Variants in SPX observed in about 807,000 individuals in gnomAD.
The protein encoded by SPX is spexin hormone.
In SPX, 22 loss-of-function variants were observed where a neutral mutation model predicts 19.2. The ratio of observed to expected loss-of-function variants is 1.15; its 90% confidence interval spans 0.82 to 1.64. The LOEUF (loss-of-function observed/expected upper bound fraction) is 1.64. Among genes scored for constraint, SPX ranks in the 40% most tolerant of loss-of-function variants. The pLI is 0.00. For missense variants in SPX, 143 were observed against 137.7 expected (o/e 1.04, Z -0.19); for synonymous variants, 50 against 53.3 (o/e 0.94, Z 0.27).
intron 3 of SPX, 171 bp downstream of exon 3, chr12:21,527,363 C>T: frequency 1.5e-6 from 1 of 652,708 alleles, no homozygotes; most frequent in Admixed American, 2.7e-5. Context: ...GGAAGAGTCC[C>T]TGATTATTGG....
Position 21,527,146 on chromosome 12 carries a change from G to A in SPX, c.99G>A (p.Glu33=). The A allele has an allele frequency of 6.2e-7, 1 of 1,614,018 alleles. No homozygotes were observed. The highest frequency in any genetic ancestry group is 1.3e-5 in the African/African-American group (1 of 75,038). The change falls in exon 3 of 6, where the codon GAG becomes GAA. Residue 33 remains glutamate (E), a synonymous_variant. Transcript: ENST00000256969. ...CCCCCGGGCTATAGAGACTGTTGGA[G>A]AGAAGGAACTGGACTCCTCAAGCTA... ...NSSCAPQRLL[E]RRNWTPQAML... is the part of the protein sequence containing the mutation.
Position 21,528,775 on chromosome 12 carries a change from A to G in SPX, c.209-226A>G, listed in dbSNP as rs76462828. On this transcript the variant is annotated intron_variant, in intron 4 of 5. Transcript: ENST00000256969. The stretch of plus-strand genomic sequence containing the variant: ...AATTCTCTTTGGCATATAGTTTAAC[A>G]TTCTCTTCCATACCCTGTTTGTAAA... Among the ~76,000 whole-genome samples the G allele has an allele frequency of 3.3e-5, 5 of 152,350 alleles. No homozygotes were observed. In the East Asian group the frequency reaches 9.7e-4, roughly 29 times the overall value.
intron 3 of SPX, 125 bp from the exon 4 acceptor site, chr12:21,527,602 C>A (rs1943826470): frequency 6.3e-6 from 6 of 959,656 alleles, no homozygotes; most frequent in Admixed American, 4.5e-5. Context: ...CCCGCGCGAC[C>A]CTATCCTGGA....
rs1943877956 is a variant in SPX, at chr12:21,532,773, T to A, written c.*1578T>A. The stretch of plus-strand genomic sequence containing the variant: ...TTTTAACATCTATCTTATGAAATAA[T>A]TCTTCCTACAACTAACCAGAACAAT... On this transcript the variant is annotated 3_prime_UTR_variant, in exon 6 of 6. Coordinates refer to ENST00000256969, the MANE Select transcript of SPX (RefSeq NM_030572.4). The A allele has an allele frequency of 6.6e-6, 1 of 152,198 alleles. No homozygotes were observed. Among genetic ancestry groups the A allele is most frequent in the Admixed American group, 6.5e-5 (1 of 15,276 alleles). 9.4% of individuals were successfully genotyped at this position (152,198 alleles called of 1,614,324 possible).
At chr12:21,529,859 T>A (rs1943847143) in intron 5 of SPX, among the ~76,000 whole-genome samples, 1 of 152,188 alleles carries the variant, frequency 6.6e-6, no homozygotes, top group Non-Finnish European at 1.5e-5. Context: ...ACCCAAGACA[T>A]GGAACCCAGC....
chr12:21,529,167 T>TC, intron 5 of SPX, 83 bp downstream of exon 5: 2 of 1,320,436 alleles, frequency 1.5e-6, no homozygotes, highest in Non-Finnish European at 1.1e-6. Flanking sequence ...GCAACACCCC[T>TC]CCCCCAGAAT....
At chr12:21,528,541 A>G (rs1943836196) in intron 4 of SPX, among the ~76,000 whole-genome samples, 1 of 152,246 alleles carries the variant, frequency 6.6e-6, no homozygotes, top group South Asian at 2.1e-4. Context: ...CTCTTCAAAC[A>G]TGCTGTGTAA....
intron 5 of SPX, among the ~76,000 whole-genome samples, 181 bp downstream of exon 5, chr12:21,529,265 T>C: frequency 6.6e-6 from 1 of 152,118 alleles, no homozygotes; most frequent in South Asian, 2.1e-4. Context: ...TTCCACATTA[T>C]TCTGATGATT....
At position 21,526,975 on chromosome 12, in the gene SPX, A is replaced by T. The variant is rs1370457340; in HGVS notation, c.87+9A>T. 6.2e-7 allele frequency: 1 copy of T among 1,613,638 alleles called. No individual in the cohort carries two copies. Among genetic ancestry groups the T allele is most frequent in the Admixed American group, 1.7e-5 (1 of 60,018 alleles). On this transcript the variant is annotated intron_variant, in intron 2 of 5. Coordinates refer to ENST00000256969, the MANE Select transcript of SPX (RefSeq NM_030572.4). ...CCAGCTGCGCTCCGCAGGTAATCAA[A>T]TGCAAAATAAAAAATTTTAAAACAA... is the stretch of plus-strand genomic sequence containing the variant.
At chr12:21,528,353 G>C (rs749580035) in intron 4 of SPX, among the ~76,000 whole-genome samples, 2 of 152,178 alleles carry the variant, frequency 1.3e-5, no homozygotes, top group Non-Finnish European at 2.9e-5. Context: ...GGCAGTTAAG[G>C]ATGGGACCGG....
chr12:21,526,370 G>GTGCC lies in SPX; in HGVS notation c.-102_-99dup. 9.0e-7 allele frequency: 1 copy of GTGCC among 1,111,816 alleles called. No homozygotes were observed. The allele number at this position is 1,111,816 out of a possible 1,614,324, so 68.9% of individuals were successfully genotyped here. A position where few individuals can be genotyped will look rare whatever the true frequency, so the allele number is the denominator to read the frequency against. The stretch of plus-strand genomic sequence containing the variant: ...CCCAAACTCTACTCCAGATGGGGAG[G>GTGCC]TGCCCTTAACACCAAGATTTTAAAA... On this transcript the variant is annotated 5_prime_UTR_variant, in exon 1 of 6. An upstream open reading frame in the 5' UTR gains an earlier in-frame stop. Coordinates refer to ENST00000256969, the MANE Select transcript of SPX (RefSeq NM_030572.4).
chr12:21,528,959 T>C (rs1291197148), intron 4 of SPX, 42 bp from the exon 5 acceptor site: 2 of 1,528,726 alleles, frequency 1.3e-6, no homozygotes, highest in South Asian at 2.2e-5. Flanking sequence ...TACATCAATA[T>C]ATAAATGCTA....
At chr12:21,527,516 G>A in intron 3 of SPX, 2 of 621,576 alleles carry the variant, frequency 3.2e-6, no homozygotes, top group Non-Finnish European at 5.7e-6. Context: ...CCGGTCAGGC[G>A]CGGGGCTTTC....
In SPX at chr12:21,526,296, ATCAGATT is replaced by A; in HGVS notation, c.-176_-170del. 2.0e-6 allele frequency: 1 copy of A among 504,086 alleles called. No individual in the cohort carries two copies. Among genetic ancestry groups the A allele is most frequent in the African/African-American group, 1.9e-5 (1 of 52,806 alleles). The allele number at this position is 504,086 out of a possible 1,614,324, so 31.2% of individuals were successfully genotyped here. On this transcript the variant is annotated 5_prime_UTR_variant, in exon 1 of 6. Transcript: ENST00000256969. ...TGCAATGAAGCTCCCTGGAGGAGTCATCAGATTCTCAATCTTGCTTGAAGACTGACAA... is the reference window on the plus strand; with the variant it reads ...TGCAATGAAGCTCCCTGGAGGAGTCACTCAATCTTGCTTGAAGACTGACAA...
In SPX at chr12:21,527,389, A is replaced by G. The variant is rs138386689; in HGVS notation, c.145+197A>G. On this transcript the variant is annotated intron_variant, in intron 3 of 5. Coordinates refer to ENST00000256969, the MANE Select transcript of SPX (RefSeq NM_030572.4). ...TGATTATTGGAAATCCTCCATCCTTATTAGAAATTCTCCATCCAAAACTGG... is the reference window on the plus strand; with the variant it reads ...TGATTATTGGAAATCCTCCATCCTTGTTAGAAATTCTCCATCCAAAACTGG... 31 of 617,074 alleles carry G rather than the reference A, an allele frequency of 5.0e-5. No individual in the cohort carries two copies. In the African/African-American group the frequency reaches 5.3e-4, roughly 11 times the overall value. 38.2% of individuals were successfully genotyped at this position (617,074 alleles called of 1,614,324 possible).
chr12:21,528,063 A>G (rs1943832193), intron 4 of SPX: 2 of 449,194 alleles, frequency 4.5e-6, no homozygotes, highest in Admixed American at 3.7e-5. Context: ...CCCAAGCCTT[A>G]TTGGCTTGCG....
intron 1 of SPX, among the ~76,000 whole-genome samples, 192 bp from the exon 2 acceptor site, chr12:21,526,694 T>C (rs969480074): frequency 2.7e-5 from 4 of 147,342 alleles, no homozygotes; most frequent in African/African-American, 1.1e-4. Context: ...AATATGTTTC[T>C]AAATACGTTT....
chr12:21,529,878 G>A (rs908380513), intron 5 of SPX, among the ~76,000 whole-genome samples: 12 of 152,162 alleles, frequency 7.9e-5, no homozygotes, highest in Admixed American at 5.9e-4. Flanking sequence ...GCGATTTTTG[G>A]AGTCAGTACG....
intron 5 of SPX, among the ~76,000 whole-genome samples, 168 bp from the exon 6 acceptor site, chr12:21,530,969 A>G (rs1350484670): frequency 6.6e-6 from 1 of 152,192 alleles, no homozygotes; most frequent in East Asian, 1.9e-4. Context: ...AAGATTTTAA[A>G]CTGAGCAAAT....
Sources: gnomAD v4.1 joint callset for allele counts (sites outside exome capture counted in the v4.1 genomes callset) on GRCh38, gnomAD v4.1.1 for gene constraint, MANE v1.5 for transcripts, NCBI Gene and HGNC (gene_info 2026-07-23, HGNC 2026-07-21) for gene names.